Variants in APP observed in about 807,000 individuals in gnomAD.
APP encodes the protein amyloid beta precursor protein, also known as amyloid-beta precursor protein.
In APP, 31 loss-of-function variants were observed where a neutral mutation model predicts 101.4. The ratio of observed to expected loss-of-function variants is 0.31; its 90% CI spans 0.23 to 0.41. APP has a LOEUF of 0.41. Among genes scored for constraint, APP ranks in the 10% least tolerant of loss-of-function variants. The pLI is 1.00. For synonymous variants in APP, 366 were observed against 364.4 expected, an observed-to-expected ratio of 1.00 and a Z score of -0.05; for missense variants, 839 against 1,003.7, an observed-to-expected ratio of 0.84 and a Z score of 2.22.
intron 1 of APP, among the ~76,000 whole-genome samples, chr21:26,139,250 C>T (rs2062989366): frequency 6.6e-6 from 1 of 152,054 alleles, no homozygotes; most frequent in African/African-American, 2.4e-5. Flanking sequence ...AATCAAGGTC[C>T]CCAGACCTAG....
rs573989412 is a variant in APP at position 25,994,437 on chromosome 21, T to C, written c.1090+2923A>G. ...TTTAAAATAACAACAATAAAATATGTCCCTAAAATTGCAATGCTCAAAATT... is the reference window on the plus strand; with the variant it reads ...TTTAAAATAACAACAATAAAATATGCCCCTAAAATTGCAATGCTCAAAATT... On this transcript the variant is annotated intron_variant, in intron 8 of 17. Coordinates refer to ENST00000346798, the MANE Select transcript of APP (RefSeq NM_000484.4). Among the ~76,000 whole-genome samples the C allele has an allele frequency of 6.6e-5, 10 of 152,314 alleles. No homozygotes were observed. In the East Asian group the frequency reaches 1.7e-3, roughly 26 times the overall value.
At chr21:26,050,615 C>A (rs2045797302) in intron 5 of APP, among the ~76,000 whole-genome samples, 1 of 151,714 alleles carries the variant, frequency 6.6e-6, no homozygotes, top group Admixed American at 6.6e-5. Flanking sequence ...CAAACCAAAC[C>A]TTTAACGAAA....
chr21:26,148,628 G>T (rs461315), intron 1 of APP, among the ~76,000 whole-genome samples: 5,077 of 152,296 alleles, frequency 0.033, 219 homozygotes, highest in East Asian at 0.2. Context: ...AGTGTCACAG[G>T]CAACTGGGCC....
intron 1 of APP, among the ~76,000 whole-genome samples, chr21:26,119,518 C>T (rs914187074): frequency 6.6e-6 from 1 of 152,196 alleles, no homozygotes; most frequent in Non-Finnish European, 1.5e-5. Flanking sequence ...AGTAGAAGTC[C>T]AAATCTCCCA....
intron 11 of APP, among the ~76,000 whole-genome samples, chr21:25,967,850 A>C (rs576304359): frequency 6.6e-6 from 1 of 152,342 alleles, no homozygotes; most frequent in East Asian, 1.9e-4. Context: ...ATGAATGCTT[A>C]GCTTTAAGTA....
intron 2 of APP, among the ~76,000 whole-genome samples, chr21:26,105,898 T>C (rs2062172846): frequency 6.6e-6 from 1 of 152,236 alleles, no homozygotes; most frequent in South Asian, 2.1e-4. Flanking sequence ...TCTTCTATTT[T>C]GCCCATGCCA....
intron 1 of APP, chr21:26,158,257 G>C (rs984537269): frequency 6.6e-6 from 1 of 152,224 alleles, no homozygotes; most frequent in Non-Finnish European, 1.5e-5. Flanking sequence ...CTGGCTAGCA[G>C]ATAAGAGAAG....
rs2043496394 is a variant in APP at position 26,005,573 on chromosome 21, A to G, written c.866-5391T>C. Among the ~76,000 whole-genome samples the G allele has an allele frequency of 2.6e-5, 4 of 152,342 alleles. No homozygotes were observed. In the South Asian group the frequency reaches 8.3e-4, roughly 32 times the overall value. ...CCCTCTCTAGCAATGGGATATTAGT[A>G]AGAGATCTAACCAATCAAGATGCTC... On this transcript the variant is annotated intron_variant, in intron 6 of 17. Coordinates refer to ENST00000346798, the MANE Select transcript of APP (RefSeq NM_000484.4).
intron 1 of APP, among the ~76,000 whole-genome samples, chr21:26,160,042 T>C: frequency 6.6e-6 from 1 of 151,408 alleles, no homozygotes; most frequent in Non-Finnish European, 1.5e-5. Flanking sequence ...GCCATGCTGA[T>C]TGATACTCAG....
At position 25,891,887 on chromosome 21, in the gene APP, A is replaced by AAAAG; in HGVS notation, c.2065-23_2065-20dup. ...AGAACACCTTGAAAACAAATTAAGAAAAAGAATTTTAATTTCTAAATGCAA... is the reference window on the plus strand; with the variant it reads ...AGAACACCTTGAAAACAAATTAAGAAAAAGAAAGAATTTTAATTTCTAAATGCAA... On this transcript the variant is annotated intron_variant, in intron 16 of 17. Coordinates refer to ENST00000346798, the MANE Select transcript of APP (RefSeq NM_000484.4). 1 of 1,608,544 alleles carries AAAAG rather than the reference A, an allele frequency of 6.2e-7. No individual in the cohort carries two copies. Among genetic ancestry groups the AAAAG allele is most frequent in the Non-Finnish European group, 8.5e-7 (1 of 1,176,338 alleles).
At chr21:26,116,529 G>C (rs1284283468) in intron 1 of APP, among the ~76,000 whole-genome samples, 1 of 152,128 alleles carries the variant, frequency 6.6e-6, no homozygotes, top group Non-Finnish European at 1.5e-5. Context: ...TTCAAACAGG[G>C]TGTTCCCTTT....
intron 6 of APP, among the ~76,000 whole-genome samples, chr21:26,007,371 T>C (rs955375250): frequency 1.4e-5 from 2 of 147,382 alleles, no homozygotes; most frequent in African/African-American, 4.9e-5. Context: ...ATAATTATAA[T>C]ATATTAGATT....
chr21:25,952,189 C>CCT (rs1031514087), intron 13 of APP, among the ~76,000 whole-genome samples: 1 of 136,322 alleles, frequency 7.3e-6, no homozygotes, highest in African/African-American at 2.7e-5. Context: ...ATATTACATA[C>CCT]ATACACACAC....
At chr21:25,933,062 A>T (rs1490989983) in intron 13 of APP, among the ~76,000 whole-genome samples, 1 of 152,194 alleles carries the variant, frequency 6.6e-6, no homozygotes, top group African/African-American at 2.4e-5. Context: ...TGGAAAGATC[A>T]AATCAGTATA....
At chr21:26,139,824 G>A (rs928210819) in intron 1 of APP, among the ~76,000 whole-genome samples, 1 of 152,118 alleles carries the variant, frequency 6.6e-6, no homozygotes, top group East Asian at 1.9e-4. Flanking sequence ...AGGATGCAGT[G>A]AGCCAATATC....
chr21:26,168,847 G>A (rs2063674745), intron 1 of APP, among the ~76,000 whole-genome samples: 1 of 152,148 alleles, frequency 6.6e-6, no homozygotes, highest in Non-Finnish European at 1.5e-5. Context: ...TGAGCCACTT[G>A]TGGGTAAAAA....
intron 5 of APP, among the ~76,000 whole-genome samples, chr21:26,041,405 T>C (rs1032247590): frequency 6.6e-6 from 1 of 152,206 alleles, no homozygotes; most frequent in Non-Finnish European, 1.5e-5. Context: ...TAAGAATCTG[T>C]ATTTTCTTCC....
chr21:25,914,802 C>A (rs1158143898), intron 13 of APP, among the ~76,000 whole-genome samples: 1 of 152,166 alleles, frequency 6.6e-6, no homozygotes, highest in Non-Finnish European at 1.5e-5. Flanking sequence ...ATCCGCCCGC[C>A]TCGGCTTCCC....
At chr21:26,072,535 A>C (rs1045117120) in intron 3 of APP, among the ~76,000 whole-genome samples, 3 of 152,200 alleles carry the variant, frequency 2.0e-5, no homozygotes, top group African/African-American at 7.2e-5. Context: ...TTAATTATAT[A>C]TCTTCACATC....
Sources: allele counts gnomAD v4.1 joint callset (sites outside exome capture counted in the v4.1 genomes callset), GRCh38; gene constraint gnomAD v4.1.1; transcripts MANE v1.5; gene names NCBI Gene and HGNC (gene_info 2026-07-23, HGNC 2026-07-21).